The following ENTREP2 variants were observed in gnomAD, a reference collection of about 807,000 sequenced individuals.
ENTREP2 encodes the protein protein ENTREP2.
chr15:29,368,338 ATAT>A, the ENTREP2 span, among the ~76,000 whole-genome samples: 13 of 96,024 alleles, frequency 1.4e-4, no homozygotes, highest in African/African-American at 6.0e-4. Context: ...AAAAAAAAAA[ATAT>A]ATATATATAT....
At chr15:29,136,218 C>T in the ENTREP2 span, 321 of 786,218 alleles carry the variant, frequency 4.1e-4, no homozygotes, top group African/African-American at 4.4e-3. Context: ...TGAATGCATC[C>T]GGGGGCCTCG....
the ENTREP2 span, among the ~76,000 whole-genome samples, chr15:29,538,055 G>A: frequency 1.3e-5 from 2 of 152,040 alleles, no homozygotes; most frequent in African/African-American, 4.8e-5. Flanking sequence ...TTAACAATAC[G>A]TTTTATTTAT....
chr15:29,471,822 G>C, the ENTREP2 span, among the ~76,000 whole-genome samples: 54 of 152,282 alleles, frequency 3.5e-4, no homozygotes, highest in Non-Finnish European at 5.6e-4. Context: ...TGAAAAAGAA[G>C]ATTCTGAACA....
chr15:29,616,119 T>C, the ENTREP2 span, among the ~76,000 whole-genome samples: 1 of 152,246 alleles, frequency 6.6e-6, no homozygotes, highest in Admixed American at 6.5e-5. Context: ...AATGCAAATA[T>C]ACAGCAGTTT....
chr15:29,479,644 C>CTCTCTT, the ENTREP2 span, among the ~76,000 whole-genome samples: 78 of 150,502 alleles, frequency 5.2e-4, no homozygotes, highest in African/African-American at 1.8e-3. Flanking sequence ...CTCCCTCTCT[C>CTCTCTT]TCTGTCTGTC....
the ENTREP2 span, among the ~76,000 whole-genome samples, chr15:29,464,149 G>C: frequency 6.6e-6 from 1 of 152,026 alleles, no homozygotes; most frequent in Non-Finnish European, 1.5e-5. Context: ...CAATGAGAAT[G>C]TACTTACTGC....
At chr15:29,252,908 T>G in the ENTREP2 span, among the ~76,000 whole-genome samples, 1 of 152,170 alleles carries the variant, frequency 6.6e-6, no homozygotes, top group African/African-American at 2.4e-5. Flanking sequence ...AACAGCATAA[T>G]GAAGGCACAT....
chr15:29,150,811 C>G, the ENTREP2 span, among the ~76,000 whole-genome samples: 4 of 152,162 alleles, frequency 2.6e-5, no homozygotes. Flanking sequence ...AAAAAACCCA[C>G]TATAAGAACC....
chr15:29,225,447 CT>C, the ENTREP2 span, among the ~76,000 whole-genome samples: 1 of 152,232 alleles, frequency 6.6e-6, no homozygotes, highest in African/African-American at 2.4e-5. Flanking sequence ...CCTTGAAGAT[CT>C]TGTTGCATTT....
At chr15:29,599,614 C>A in the ENTREP2 span, among the ~76,000 whole-genome samples, 24 of 152,274 alleles carry the variant, frequency 1.6e-4, no homozygotes, top group African/African-American at 5.8e-4. Flanking sequence ...TCATAACAAT[C>A]GCATTATAAT....
the ENTREP2 span, among the ~76,000 whole-genome samples, chr15:29,548,447 T>C: frequency 8.0e-6 from 1 of 125,702 alleles, no homozygotes; most frequent in South Asian, 2.4e-4. Flanking sequence ...AGAGCGAGAT[T>C]CTGCCTAAAA....
chr15:29,168,119 C>A, the ENTREP2 span, among the ~76,000 whole-genome samples: 1 of 152,036 alleles, frequency 6.6e-6, no homozygotes, highest in Admixed American at 6.6e-5. Context: ...GGGAGCTAAG[C>A]TATGAGGATG....
the ENTREP2 span, among the ~76,000 whole-genome samples, chr15:29,405,968 A>G: frequency 6.6e-6 from 1 of 152,256 alleles, no homozygotes; most frequent in Non-Finnish European, 1.5e-5. Flanking sequence ...GATAAGCTGA[A>G]GGAAATAATG....
the ENTREP2 span, chr15:29,126,520 T>C: frequency 6.5e-7 from 1 of 1,541,702 alleles, no homozygotes; most frequent in African/African-American, 1.4e-5. Flanking sequence ...GGCATTAGAG[T>C]GGGCGGCCGC....
chr15:29,126,625 C>G, the ENTREP2 span: 1 of 727,194 alleles, frequency 1.4e-6, no homozygotes, highest in Non-Finnish European at 2.3e-6. Flanking sequence ...ATAAGATTGA[C>G]AAATGCTGCT....
chr15:29,269,378 C>T, the ENTREP2 span: 2 of 1,614,192 alleles, frequency 1.2e-6, no homozygotes. Context: ...TTCAGTATGT[C>T]GGCCCGCTTG....
the ENTREP2 span, among the ~76,000 whole-genome samples, chr15:29,326,910 T>C: frequency 6.6e-6 from 1 of 151,950 alleles, no homozygotes; most frequent in Non-Finnish European, 1.5e-5. Context: ...ATAAAGCCCA[T>C]AAATATAGTT....
At chr15:29,385,648 A>G in the ENTREP2 span, among the ~76,000 whole-genome samples, 1 of 152,226 alleles carries the variant, frequency 6.6e-6, no homozygotes, top group Admixed American at 6.5e-5. Flanking sequence ...CTCTGGTTGC[A>G]GCCTTGTGAA....
chr15:29,155,702 G>C, the ENTREP2 span, among the ~76,000 whole-genome samples: 1 of 152,140 alleles, frequency 6.6e-6, no homozygotes, highest in African/African-American at 2.4e-5. Flanking sequence ...CACTGAACCT[G>C]GAAACTGTCT....
Sources: allele counts gnomAD v4.1 joint callset (sites outside exome capture counted in the v4.1 genomes callset), GRCh38; gene constraint gnomAD v4.1.1; transcripts MANE v1.5; gene names NCBI Gene and HGNC (gene_info 2026-07-23, HGNC 2026-07-21).